Variants in ZRANB3 observed in about 807,000 individuals in gnomAD.
ZRANB3 encodes the protein zinc finger RANBP2-type containing 3, also known as DNA annealing helicase and endonuclease ZRANB3.
ZRANB3 carries 125 observed loss-of-function variants against 133.8 expected under a neutral mutation model. That is an observed-to-expected ratio of 0.93 (90% confidence interval 0.81 to 1.08). The LOEUF (loss-of-function observed/expected upper bound fraction) is 1.08. Among genes scored for constraint, ZRANB3 ranks in the 50% least tolerant of loss-of-function variants. ZRANB3 has a pLI of 0.00. For missense variants in ZRANB3, 1,229 were observed against 1,275.5 expected (o/e 0.96, Z 0.56); for synonymous variants, 387 against 432.7 (o/e 0.89, Z 1.31).
At chr2:135,356,411 T>A (rs1405986852) in intron 3 of ZRANB3, among the ~76,000 whole-genome samples, 2 of 152,118 alleles carry the variant, frequency 1.3e-5, no homozygotes, top group Non-Finnish European at 2.9e-5. Flanking sequence ...ATAATTTTTA[T>A]TTGTCAAATA....
chr2:135,379,685 G>C (rs527299224), intron 3 of ZRANB3, among the ~76,000 whole-genome samples: 1 of 152,014 alleles, frequency 6.6e-6, no homozygotes, highest in African/African-American at 2.4e-5. Flanking sequence ...AGAATCAACC[G>C]GTACCAGTCA....
intron 2 of ZRANB3, among the ~76,000 whole-genome samples, chr2:135,397,305 A>G (rs1297460836): frequency 6.6e-6 from 1 of 151,610 alleles, no homozygotes; most frequent in Non-Finnish European, 1.5e-5. Context: ...AAAACTAGGC[A>G]GGTGTGGTGG....
chr2:135,396,319 C>T (rs60320839), intron 2 of ZRANB3, among the ~76,000 whole-genome samples: 6,564 of 152,024 alleles, frequency 0.043, 481 homozygotes, highest in African/African-American at 0.15. Context: ...AGGTATATAC[C>T]CAAAGGAAAG....
Position 135,353,610 on chromosome 2 carries a change from T to C in ZRANB3, c.199A>G (p.Ile67Val). The C allele has an allele frequency of 1.3e-6, 2 of 1,576,292 alleles. No homozygotes were observed. The highest frequency in any genetic ancestry group is 2.3e-5 in the East Asian group (1 of 43,960). The change falls in exon 4 of 21, where the codon ATC (isoleucine) becomes GTC (valine). Residue 67 changes from isoleucine (I) to valine (V), a missense_variant. Physicochemically the swap from Ile to Val is conservative, Grantham distance 29. Coordinates refer to ENST00000264159, the MANE Select transcript of ZRANB3 (RefSeq NM_032143.4). Reference protein sequence around the residue: ...VADEMGLGKTIQAIGITYFYK... With the variant: ...VADEMGLGKTVQAIGITYFYK... Reference sequence around the variant, plus strand: ...AAGTAAGTAATTCCAATTGCCTGGATTGTCTTTCCTAGACCCATCTAAATT... The same window carrying C: ...AAGTAAGTAATTCCAATTGCCTGGACTGTCTTTCCTAGACCCATCTAAATT...
At chr2:135,463,575 G>A (rs1321721163) in intron 2 of ZRANB3, among the ~76,000 whole-genome samples, 2 of 151,870 alleles carry the variant, frequency 1.3e-5, no homozygotes, top group Non-Finnish European at 2.9e-5. Flanking sequence ...CTGCCACCAC[G>A]CCCGGCTAAT....
At chr2:135,407,330 A>T (rs1688087289) in intron 2 of ZRANB3, among the ~76,000 whole-genome samples, 1 of 152,166 alleles carries the variant, frequency 6.6e-6, no homozygotes, top group African/African-American at 2.4e-5. Flanking sequence ...AAAGGATACA[A>T]ACAAATCGAA....
intron 12 of ZRANB3, among the ~76,000 whole-genome samples, chr2:135,247,818 T>TC (rs1409357827): frequency 1.3e-5 from 2 of 152,156 alleles, no homozygotes; most frequent in Non-Finnish European, 2.9e-5. Context: ...CCTTAGCTGT[T>TC]CCAGTCTTCC....
chr2:135,450,361 C>CA (rs1690214017), intron 2 of ZRANB3, among the ~76,000 whole-genome samples: 1 of 151,586 alleles, frequency 6.6e-6, no homozygotes, highest in Non-Finnish European at 1.5e-5. Context: ...TGAAGCACTT[C>CA]ATATGCATTA....
At chr2:135,313,035 CA>C (rs1479170962) in intron 8 of ZRANB3, among the ~76,000 whole-genome samples, 4 of 139,338 alleles carry the variant, frequency 2.9e-5, no homozygotes, top group South Asian at 2.3e-4. Flanking sequence ...AAAAAAAAAA[CA>C]GAAAAGAAAA....
intron 1 of ZRANB3, among the ~76,000 whole-genome samples, chr2:135,526,722 GT>G (rs1694179027): frequency 6.6e-6 from 1 of 152,028 alleles, no homozygotes; most frequent in African/African-American, 2.4e-5. Flanking sequence ...TTCCCCCTTT[GT>G]TTTCCTACCT....
chr2:135,504,339 T>C lies in ZRANB3; in HGVS notation c.151A>G (p.Arg51Gly). 2.5e-6 allele frequency: 4 copies of C among 1,613,460 alleles called. No homozygotes were observed. The highest frequency in any genetic ancestry group is 3.4e-6 in the Non-Finnish European group (4 of 1,179,632). ...QKDGIIFALK[R>G]NGRCMVADEM... The stretch of plus-strand genomic sequence containing the variant: ...TTCAAAGAACTTTACCTGCCATTTC[T>C]TTTGAGGGCAAAAATGATGCCATCT... The change falls in exon 2 of 21, where the codon AGA becomes GGA. Residue 51 changes from arginine to glycine, a missense_variant. Coordinates refer to ENST00000264159, the MANE Select transcript of ZRANB3 (RefSeq NM_032143.4).
chr2:135,261,228 G>A (rs534642731), intron 12 of ZRANB3, among the ~76,000 whole-genome samples: 7 of 152,028 alleles, frequency 4.6e-5, no homozygotes, highest in African/African-American at 1.7e-4. Context: ...CAAATTCATA[G>A]GAAAATTCCC....
intron 2 of ZRANB3, among the ~76,000 whole-genome samples, chr2:135,503,924 C>T (rs114771097): frequency 1.2e-3 from 188 of 151,852 alleles, no homozygotes; most frequent in African/African-American, 4.3e-3. Flanking sequence ...GAGCCAAGAT[C>T]GTACCACTAC....
At chr2:135,409,167 G>C (rs1168764701) in intron 2 of ZRANB3, among the ~76,000 whole-genome samples, 2 of 152,064 alleles carry the variant, frequency 1.3e-5, no homozygotes, top group African/African-American at 2.4e-5. Context: ...AGGAGCAAGA[G>C]AGTGAGTGGG....
At chr2:135,383,195 C>G (rs1283930993) in intron 3 of ZRANB3, among the ~76,000 whole-genome samples, 5 of 152,078 alleles carry the variant, frequency 3.3e-5, no homozygotes, top group Admixed American at 1.3e-4. Context: ...CAGTTGCAAT[C>G]CTAGTCTCTG....
At chr2:135,237,309 G>A (rs1211281967) in intron 12 of ZRANB3, among the ~76,000 whole-genome samples, 3 of 150,484 alleles carry the variant, frequency 2.0e-5, no homozygotes, top group Non-Finnish European at 3.0e-5. Context: ...TGGAGAGGAT[G>A]TGGAGAAATA....
Position 135,503,837 on chromosome 2 carries a change from C to T in ZRANB3, c.161+492G>A, listed in dbSNP as rs1267005526. ...AACAAAAATTACCCGGGTGTGGTGG[C>T]GTGCACCCTGTAGTCCCAGCTATTC... On this transcript the variant is annotated intron_variant, in intron 2 of 20. Coordinates refer to ENST00000264159, the MANE Select transcript of ZRANB3 (RefSeq NM_032143.4). Among the ~76,000 whole-genome samples the T allele has an allele frequency of 4.6e-5, 7 of 151,818 alleles. No individual in the cohort carries two copies. The East Asian group carries it at 5.8e-4, about 13-fold the overall frequency.
chr2:135,399,102 T>C (rs578084989), intron 2 of ZRANB3, among the ~76,000 whole-genome samples: 117 of 152,326 alleles, frequency 7.7e-4, no homozygotes, highest in African/African-American at 2.7e-3. Context: ...GATATTTCAT[T>C]GATTTACTTG....
intron 2 of ZRANB3, among the ~76,000 whole-genome samples, chr2:135,418,926 T>TC (rs1553489424): frequency 2.7e-4 from 16 of 58,378 alleles, no homozygotes; most frequent in South Asian, 2.0e-3. Context: ...GGATTCTCTC[T>TC]TTTTTTTTTT....
Sources: allele counts gnomAD v4.1 joint callset (sites outside exome capture counted in the v4.1 genomes callset), GRCh38; gene constraint gnomAD v4.1.1; transcripts MANE v1.5; gene names NCBI Gene and HGNC (gene_info 2026-07-23, HGNC 2026-07-21).